The following COG5 variants were observed in gnomAD, a reference collection of about 807,000 sequenced individuals.
COG5 encodes the protein component of oligomeric golgi complex 5, also known as conserved oligomeric Golgi complex subunit 5.
Under a neutral mutation model 110.4 loss-of-function variants are expected in COG5, and 86 were observed. The ratio of observed to expected loss-of-function variants is 0.78; its 90% confidence interval spans 0.65 to 0.93. The LOEUF (loss-of-function observed/expected upper bound fraction) is 0.93, where lower values mean the gene tolerates loss of function less well. Ranked by LOEUF, COG5 falls within the 40% of genes least tolerant of loss-of-function variation. The pLI is 0.00. For synonymous variants in COG5, 360 were observed against 334.6 expected (o/e 1.08, Z -0.83); for missense variants, 1,077 against 987.0 (o/e 1.09, Z -1.22).
rs149133821 is a variant in COG5, at chr7:107,347,504, T to C, written c.1026+14529A>G. On this transcript the variant is annotated intron_variant, in intron 10 of 21. Transcript: ENST00000297135. ...TTTGTTCAAATGTGAAGATAAACAA[T>C]AGAAATGAATTGCTCTCAAATATAT... 5.4e-3 allele frequency among the ~76,000 whole-genome samples: 818 copies of C among 152,332 alleles called. 8 individuals are homozygous for C. The highest frequency in any genetic ancestry group is 0.019 in the African/African-American group (796 of 41,584).
At chr7:107,311,612 C>A (rs1808276062) in intron 11 of COG5, among the ~76,000 whole-genome samples, 1 of 150,692 alleles carries the variant, frequency 6.6e-6, no homozygotes, top group African/African-American at 2.4e-5. Context: ...CCAGGATGGT[C>A]TCGATCTCCT....
chr7:107,258,953 GGTATTACTATGATT>G (rs1347096102), intron 14 of COG5, among the ~76,000 whole-genome samples: 1 of 151,346 alleles, frequency 6.6e-6, no homozygotes, highest in Non-Finnish European at 1.5e-5. Context: ...GTGCAAAGAG[GGTATTACTATGATT>G]TTTTATAGAT....
At chr7:107,516,682 T>G (rs1799946782) in intron 6 of COG5, among the ~76,000 whole-genome samples, 1 of 152,174 alleles carries the variant, frequency 6.6e-6, no homozygotes, top group South Asian at 2.1e-4. Context: ...AGCAATCTTT[T>G]CTGTTCTGCA....
intron 5 of COG5, among the ~76,000 whole-genome samples, chr7:107,531,186 G>A (rs1273413415): frequency 1.3e-5 from 2 of 151,962 alleles, no homozygotes; most frequent in East Asian, 3.9e-4. Flanking sequence ...GTTTCCCACA[G>A]ACTGGGTTTT....
Position 107,236,326 on chromosome 7 carries a change from T to G in COG5, c.2091+124A>C, listed in dbSNP as rs1384962235. 6.6e-6 allele frequency: 5 copies of G among 755,262 alleles called. No individual in the cohort carries two copies. In the African/African-American group the frequency reaches 8.7e-5, roughly 13 times the overall value. The allele number at this position is 755,262 out of a possible 1,614,324, so 46.8% of individuals were successfully genotyped here. ...CTTTTTTTTTTTAACTATTTATGCT[T>G]AAGTGGGCTTACTTTTCTTTGTGCT... On this transcript the variant is annotated intron_variant, in intron 18 of 21. Coordinates refer to ENST00000297135, the MANE Select transcript of COG5 (RefSeq NM_006348.5).
At chr7:107,421,435 A>G (rs1793282188) in intron 6 of COG5, among the ~76,000 whole-genome samples, 1 of 152,240 alleles carries the variant, frequency 6.6e-6, no homozygotes, top group South Asian at 2.1e-4. Flanking sequence ...ATTATCCAAT[A>G]TAGACCATGT....
chr7:107,201,392 G>C lies in COG5; in HGVS notation c.*2124C>G, dbSNP rs1223968171. ...ATGTATTGATTTGTAAACATTCACTGAGTTTAATTTTATTTCCACAGGGCT... is the reference window on the plus strand; with the variant it reads ...ATGTATTGATTTGTAAACATTCACTCAGTTTAATTTTATTTCCACAGGGCT... On this transcript the variant is annotated 3_prime_UTR_variant, in exon 22 of 22. Transcript: ENST00000297135. 9 of 1,516,262 alleles carry C rather than the reference G, an allele frequency of 5.9e-6. No homozygotes were observed. The highest frequency in any genetic ancestry group is 1.4e-5 in the African/African-American group (1 of 72,942). 93.9% of individuals were successfully genotyped at this position (1,516,262 alleles called of 1,614,324 possible).
chr7:107,399,459 A>G lies in COG5; in HGVS notation c.669+13043T>C, dbSNP rs529331469. Among the ~76,000 whole-genome samples the G allele has an allele frequency of 1.7e-4, 26 of 152,032 alleles. 1 individual carries two copies. The South Asian group carries it at 5.2e-3, about 30-fold the overall frequency. ...TTCTCATGATAGTGAGTGAGTTTTC[A>G]CCAGACTTGATGGTTTTATAATGGG... On this transcript the variant is annotated intron_variant, in intron 7 of 21. Coordinates refer to ENST00000297135, the MANE Select transcript of COG5 (RefSeq NM_006348.5).
chr7:107,353,113 T>C (rs1359224802), intron 10 of COG5, among the ~76,000 whole-genome samples: 4 of 152,118 alleles, frequency 2.6e-5, no homozygotes, highest in African/African-American at 9.7e-5. Flanking sequence ...ACTGCATCCA[T>C]TCATATAAAC....
intron 10 of COG5, among the ~76,000 whole-genome samples, chr7:107,352,823 T>G (rs1812283060): frequency 6.6e-6 from 1 of 152,224 alleles, no homozygotes; most frequent in South Asian, 2.1e-4. Context: ...TTCTGTTTAA[T>G]GATAAAAACT....
At chr7:107,525,701 T>C (rs746523457) in intron 6 of COG5, among the ~76,000 whole-genome samples, 1 of 152,118 alleles carries the variant, frequency 6.6e-6, no homozygotes, top group Non-Finnish European at 1.5e-5. Context: ...TGCAGGCACA[T>C]GCTATGATGC....
At chr7:107,290,609 C>A (rs1256307667) in intron 12 of COG5, among the ~76,000 whole-genome samples, 1 of 152,174 alleles carries the variant, frequency 6.6e-6, no homozygotes, top group Non-Finnish European at 1.5e-5. Flanking sequence ...AGCTGGAATG[C>A]TAGCAACAAA....
intron 16 of COG5, among the ~76,000 whole-genome samples, chr7:107,251,216 G>A (rs969250589): frequency 1.3e-5 from 2 of 150,414 alleles, no homozygotes; most frequent in African/African-American, 4.9e-5. Flanking sequence ...ATGGAGGCCA[G>A]AAAACAGTGG....
intron 6 of COG5, among the ~76,000 whole-genome samples, chr7:107,441,676 C>G (rs1373910777): frequency 6.6e-6 from 1 of 152,166 alleles, no homozygotes; most frequent in East Asian, 1.9e-4. Context: ...ATTTTCTAAC[C>G]TTCCAAATTG....
intron 6 of COG5, among the ~76,000 whole-genome samples, chr7:107,517,966 G>A (rs1563078858): frequency 6.6e-6 from 1 of 152,260 alleles, no homozygotes; most frequent in East Asian, 1.9e-4. Context: ...AAAGTGCTGG[G>A]ATTACAGGCA....
intron 19 of COG5, among the ~76,000 whole-genome samples, chr7:107,211,480 C>T (rs1799172845): frequency 6.6e-6 from 1 of 152,152 alleles, no homozygotes; most frequent in South Asian, 2.1e-4. Context: ...CTGACATCCA[C>T]CGGACTCAGC....
chr7:107,378,576 T>C (rs1275968734), intron 7 of COG5, among the ~76,000 whole-genome samples: 1 of 151,978 alleles, frequency 6.6e-6, no homozygotes, highest in Non-Finnish European at 1.5e-5. Context: ...GAGAAGAACA[T>C]AAATGAACCT....
intron 6 of COG5, among the ~76,000 whole-genome samples, chr7:107,421,526 C>T (rs991047966): frequency 2.6e-5 from 4 of 152,218 alleles, no homozygotes; most frequent in African/African-American, 9.7e-5. Context: ...CACAGTGGCT[C>T]ATGCCTGTAA....
intron 18 of COG5, among the ~76,000 whole-genome samples, chr7:107,234,385 A>G (rs556705878): frequency 1.3e-5 from 2 of 152,358 alleles, no homozygotes; most frequent in South Asian, 4.1e-4. Flanking sequence ...AAGGATGCCA[A>G]ATAACATTTT....
Sources: allele counts gnomAD v4.1 joint callset (sites outside exome capture counted in the v4.1 genomes callset), GRCh38; gene constraint gnomAD v4.1.1; transcripts MANE v1.5; gene names NCBI Gene and HGNC (gene_info 2026-07-23, HGNC 2026-07-21).